The following SRGAP2C variants were observed in gnomAD, a reference collection of about 807,000 sequenced individuals.
SRGAP2C encodes the protein SLIT-ROBO Rho GTPase-activating protein 2C.
Under a neutral mutation model 25.1 loss-of-function variants are expected in SRGAP2C, and 15 were observed. The observed-to-expected ratio is 0.60, with a 90% CI of 0.40 to 0.92. The LOEUF (loss-of-function observed/expected upper bound fraction) is 0.92, where lower values mean the gene tolerates loss of function less well. Ranked by LOEUF, SRGAP2C falls within the 40% of genes least tolerant of loss-of-function variation. SRGAP2C has a pLI of 0.00. For missense variants in SRGAP2C, 144 were observed against 264.4 expected (o/e 0.54, Z 3.16); for synonymous variants, 44 against 96.6 (o/e 0.46, Z 3.19).
chr1:121,374,943 G>A lies in SRGAP2C; in HGVS notation c.820G>A (p.Asp274Asn). 1.3e-6 allele frequency: 1 copy of A among 777,630 alleles called. No individual in the cohort carries two copies. The highest frequency in any genetic ancestry group is 2.4e-5 in the East Asian group (1 of 41,186). The allele number at this position is 777,630 out of a possible 1,614,324, so 48.2% of individuals were successfully genotyped here. Residue 274 changes from aspartate (D) to asparagine (N), a missense_variant, in exon 7 of 10, where the codon GAC becomes AAC. By Grantham distance (23) the Asp-to-Asn change is conservative. Around this residue, in one of 5 missense-constraint regions of SRGAP2C, gnomAD observed 34 missense variants for 23.0 expected, o/e 1.48. Coordinates refer to ENST00000367123, the MANE Select transcript of SRGAP2C (RefSeq NM_001329984.2). Reference protein sequence around the residue: ...VFKYYIHDLSDLIDQCCDLGY... With the variant: ...VFKYYIHDLSNLIDQCCDLGY... ...CAAGTACTACATCCATGACCTATCT[G>A]ACCTTATTGATGTAAGTGCTTAAAG...
At chr1:121,385,146 T>C (rs1220826330) in intron 8 of SRGAP2C, among the ~76,000 whole-genome samples, 1 of 147,552 alleles carries the variant, frequency 6.8e-6, no homozygotes, top group Non-Finnish European at 1.5e-5. Context: ...TGGAAGTCGT[T>C]GAACTAGGGC....
At chr1:121,310,904 G>A (rs1203938278) in intron 3 of SRGAP2C, among the ~76,000 whole-genome samples, 1 of 59,178 alleles carries the variant, frequency 1.7e-5, no homozygotes, top group Non-Finnish European at 3.4e-5. Context: ...TTGGCGATGC[G>A]GGCTCTTTTT....
intron 2 of SRGAP2C, among the ~76,000 whole-genome samples, chr1:121,275,419 G>A (rs369681876): frequency 1.0e-5 from 1 of 97,664 alleles, no homozygotes; most frequent in African/African-American, 4.3e-5. Flanking sequence ...TCCCAGAGGA[G>A]CTGCTGGTCT....
chr1:121,297,636 G>C (rs1417703785), intron 3 of SRGAP2C, among the ~76,000 whole-genome samples: 10 of 150,606 alleles, frequency 6.6e-5, no homozygotes, highest in African/African-American at 1.2e-4. Flanking sequence ...AATCCTGATA[G>C]TTAAGATCAG....
At chr1:121,385,332 AC>A (rs1659936054) in intron 8 of SRGAP2C, among the ~76,000 whole-genome samples, 1 of 101,464 alleles carries the variant, frequency 9.9e-6, no homozygotes, top group African/African-American at 3.9e-5. Flanking sequence ...TGGATGCCTG[AC>A]TGGTGACATC....
chr1:121,313,650 G>T (rs1245906825), intron 3 of SRGAP2C, among the ~76,000 whole-genome samples: 4 of 112,100 alleles, frequency 3.6e-5, no homozygotes, highest in Admixed American at 9.1e-5. Flanking sequence ...GCATTTGCTT[G>T]TCTGTAAAGT....
chr1:121,263,973 G>T (rs1267506961), intron 2 of SRGAP2C, among the ~76,000 whole-genome samples: 6 of 151,902 alleles, frequency 3.9e-5, no homozygotes, highest in African/African-American at 1.4e-4. Flanking sequence ...TGAGGCATGT[G>T]GTTGAAAAGT....
chr1:121,212,560 G>A (rs1298765548), intron 2 of SRGAP2C, among the ~76,000 whole-genome samples: 3 of 151,456 alleles, frequency 2.0e-5, no homozygotes, highest in African/African-American at 7.3e-5. Flanking sequence ...GAATAGTGTT[G>A]CTACTTACAG....
intron 3 of SRGAP2C, among the ~76,000 whole-genome samples, chr1:121,312,625 T>G (rs1657992128): frequency 1.6e-5 from 2 of 124,480 alleles, no homozygotes; most frequent in South Asian, 5.2e-4. Context: ...GTATGTTGTG[T>G]GTTTTTTCTC....
chr1:121,295,991 C>A (rs1233383323), intron 3 of SRGAP2C, among the ~76,000 whole-genome samples: 1 of 151,780 alleles, frequency 6.6e-6, no homozygotes, highest in Non-Finnish European at 1.5e-5. Flanking sequence ...GAACTCCTGA[C>A]CTCAGGTGAT....
chr1:121,279,373 C>A (rs1187986495), intron 2 of SRGAP2C, among the ~76,000 whole-genome samples: 5 of 143,060 alleles, frequency 3.5e-5, no homozygotes, highest in Non-Finnish European at 7.6e-5. Context: ...CCCACTCCCT[C>A]ACCCCCTGTA....
intron 2 of SRGAP2C, among the ~76,000 whole-genome samples, chr1:121,210,200 T>G (rs1184030639): frequency 6.6e-6 from 1 of 151,964 alleles, no homozygotes; most frequent in Non-Finnish European, 1.5e-5. Flanking sequence ...CTGAGATTCC[T>G]TTTTATTCCC....
At chr1:121,259,679 G>C (rs868950532) in intron 2 of SRGAP2C, among the ~76,000 whole-genome samples, 38 of 151,446 alleles carry the variant, frequency 2.5e-4, no homozygotes, top group African/African-American at 8.9e-4. Flanking sequence ...AAAGATCTCT[G>C]TGAGTTAACA....
intron 2 of SRGAP2C, among the ~76,000 whole-genome samples, chr1:121,226,035 T>A (rs1409410296): frequency 2.2e-4 from 33 of 152,066 alleles, no homozygotes; most frequent in Admixed American, 4.6e-4. Flanking sequence ...GAACCCAACA[T>A]GAGATGGTAT....
intron 2 of SRGAP2C, among the ~76,000 whole-genome samples, chr1:121,282,586 G>C (rs1272857243): frequency 6.6e-6 from 1 of 151,810 alleles, no homozygotes; most frequent in Non-Finnish European, 1.5e-5. Flanking sequence ...ACGGAGTCTC[G>C]CTCTGTCGCC....
At chr1:121,296,003 C>T (rs1281993028) in intron 3 of SRGAP2C, among the ~76,000 whole-genome samples, 18 of 151,582 alleles carry the variant, frequency 1.2e-4, no homozygotes, top group African/African-American at 2.9e-4. Context: ...TCAGGTGATC[C>T]GCACACCTTG....
At position 121,196,850 on chromosome 1, in the gene SRGAP2C, G is replaced by A. The variant is rs1654839759; in HGVS notation, c.67+9337G>A. On this transcript the variant is annotated intron_variant, in intron 2 of 9. Coordinates refer to ENST00000367123, the MANE Select transcript of SRGAP2C (RefSeq NM_001329984.2). ...TTATTGTCTGTAGTACTGAATGAATGGATGACCTAACTACTACAAATAATC... is the reference window on the plus strand; with the variant it reads ...TTATTGTCTGTAGTACTGAATGAATAGATGACCTAACTACTACAAATAATC... 3.7e-5 allele frequency among the ~76,000 whole-genome samples: 5 copies of A among 135,134 alleles called. No homozygotes were observed. The Admixed American group carries it at 3.7e-4, about 10-fold the overall frequency. The allele number at this position is 135,134 out of a possible 152,430, so 88.7% of individuals were successfully genotyped here.
intron 7 of SRGAP2C, among the ~76,000 whole-genome samples, chr1:121,378,934 A>G (rs587770804): frequency 1.3e-5 from 2 of 152,342 alleles, no homozygotes; most frequent in East Asian, 3.9e-4. Flanking sequence ...ACTTCAGGCC[A>G]AAAAGACGTT....
Position 121,233,037 on chromosome 1 carries a change from T to C in SRGAP2C, c.67+45524T>C, listed in dbSNP as rs1298812549. ...GGATTACCTTTAGCCCTCTAAGTGA[T>C]CAGATCCGCCTCACTGTCACTCATG... On this transcript the variant is annotated intron_variant, in intron 2 of 9. Transcript: ENST00000367123. Among the ~76,000 whole-genome samples the C allele has an allele frequency of 1.6e-4, 18 of 114,122 alleles. No individual in the cohort carries two copies. The East Asian group carries it at 4.7e-3, about 30-fold the overall frequency. The allele number at this position is 114,122 out of a possible 152,430, so 74.9% of individuals were successfully genotyped here. A position where few individuals can be genotyped will look rare whatever the true frequency, so the allele number is the denominator to read the frequency against.
Sources: allele counts gnomAD v4.1 joint callset (sites outside exome capture counted in the v4.1 genomes callset), GRCh38; gene constraint gnomAD v4.1.1; regional missense constraint gnomAD v4.1.1; transcripts MANE v1.5; gene names NCBI Gene and HGNC (gene_info 2026-07-23, HGNC 2026-07-21).